Variants in MTCH2 observed in about 807,000 individuals in gnomAD.
MTCH2 encodes mitochondrial carrier homolog 2.
Under a neutral mutation model 50.6 loss-of-function variants are expected in MTCH2, and 25 were observed. The observed-to-expected ratio is 0.49, with a 90% CI of 0.36 to 0.69. The LOEUF is 0.69. Among genes scored for constraint, MTCH2 ranks in the 30% least tolerant of loss-of-function variants. The pLI is 0.00. For synonymous variants in MTCH2, 106 were observed against 132.0 expected (o/e 0.80, Z 1.35); for missense variants, 273 against 384.4 (o/e 0.71, Z 2.42).
chr11:47,626,771 C>A (rs1220508757), intron 10 of MTCH2, among the ~76,000 whole-genome samples: 1 of 152,058 alleles, frequency 6.6e-6, no homozygotes, highest in Non-Finnish European at 1.5e-5. Flanking sequence ...CACCACCACG[C>A]TCGGCTAATG....
At chr11:47,626,558 T>C (rs1403319062) in intron 10 of MTCH2, among the ~76,000 whole-genome samples, 1 of 152,152 alleles carries the variant, frequency 6.6e-6, no homozygotes, top group Non-Finnish European at 1.5e-5. Context: ...GCAGGGGTTC[T>C]GCCTTACTCT....
intron 8 of MTCH2, 175 bp from the exon 9 acceptor site, chr11:47,629,221 C>G (rs2097300799): frequency 5.2e-6 from 3 of 579,302 alleles, no homozygotes; most frequent in Non-Finnish European, 9.2e-6. Context: ...GTTAACACAG[C>G]TGTACTTGAA....
At chr11:47,604,980 G>A in the MTCH2 span, among the ~76,000 whole-genome samples, 2 of 151,884 alleles carry the variant, frequency 1.3e-5, no homozygotes, top group African/African-American at 4.8e-5. Flanking sequence ...TCCCAGGCTG[G>A]AGTGCAGTGG....
At position 47,622,661 on chromosome 11, in the gene MTCH2, A is replaced by G. The variant is rs755395803; in HGVS notation, c.825+40T>C. ...TTTAAGAAAACAAATAAATAAAAAT[A>G]AAACAAAATAAAATGAGAGAGACAG... On this transcript the variant is annotated intron_variant, in intron 12 of 12. Transcript: ENST00000302503. The G allele has an allele frequency of 4.2e-6, 6 of 1,438,984 alleles. No individual in the cohort carries two copies. In the South Asian group the frequency reaches 7.9e-5, roughly 19 times the overall value. The allele number at this position is 1,438,984 out of a possible 1,614,324, so 89.1% of individuals were successfully genotyped here. A position where few individuals can be genotyped will look rare whatever the true frequency, so the allele number is the denominator to read the frequency against.
intron 5 of MTCH2, among the ~76,000 whole-genome samples, chr11:47,632,258 C>G (rs1334403956): frequency 1.3e-5 from 2 of 152,012 alleles, no homozygotes; most frequent in African/African-American, 4.8e-5. Flanking sequence ...TCTTTCTACT[C>G]TAGGGCTCTG....
At chr11:47,611,055 T>C in the MTCH2 span, among the ~76,000 whole-genome samples, 1 of 152,224 alleles carries the variant, frequency 6.6e-6, no homozygotes, top group East Asian at 1.9e-4. Flanking sequence ...CTCACTGTTG[T>C]ACATATGGTT....
intron 1 of MTCH2, 39 bp from the exon 2 acceptor site, chr11:47,639,090 T>C: frequency 6.6e-7 from 1 of 1,514,474 alleles, no homozygotes; most frequent in Non-Finnish European, 9.0e-7. Context: ...TAAAGCAATA[T>C]TTCCAGAAAT....
chr11:47,631,578 TC>T, intron 6 of MTCH2, 75 bp downstream of exon 6: 1 of 1,455,728 alleles, frequency 6.9e-7, no homozygotes, highest in Non-Finnish European at 9.6e-7. Context: ...TTTAGTCAAC[TC>T]CCACGTCAAC....
chr11:47,609,140 A>AGAAAAAAGAAAAAAG, the MTCH2 span, among the ~76,000 whole-genome samples: 5 of 93,308 alleles, frequency 5.4e-5, no homozygotes, highest in Non-Finnish European at 7.9e-5. Context: ...AAAAAAAAAA[A>AGAAAAAAGAAAAAAG]AAAAAAGAAA....
chr11:47,627,152 T>C, intron 9 of MTCH2, 25 bp from the exon 10 acceptor site: 2 of 1,499,564 alleles, frequency 1.3e-6, no homozygotes, highest in Non-Finnish European at 1.8e-6. Context: ...GAGCCTTAAA[T>C]TAATTACCTA....
rs956222085 is a variant in MTCH2, at chr11:47,617,706, G to A, written c.*1127C>T. The A allele has an allele frequency of 9.2e-5, 14 of 152,438 alleles. No individual in the cohort carries two copies. The highest frequency in any genetic ancestry group is 3.1e-4 in the African/African-American group (13 of 41,432). The allele number at this position is 152,438 out of a possible 1,614,324, so 9.4% of individuals were successfully genotyped here. On this transcript the variant is annotated 3_prime_UTR_variant, in exon 13 of 13. Coordinates refer to ENST00000302503, the MANE Select transcript of MTCH2 (RefSeq NM_014342.4). Reference sequence around the variant, plus strand: ...TTTTAGAAGGCCTGAGTAAACAGAAGCTTTATGCTTGAGTTGAATTTTATT... The same window carrying A: ...TTTTAGAAGGCCTGAGTAAACAGAAACTTTATGCTTGAGTTGAATTTTATT...
chr11:47,632,621 C>G (rs7119348), intron 5 of MTCH2, among the ~76,000 whole-genome samples: 150,274 of 152,238 alleles, frequency 0.99, 74,192 homozygotes, highest in Middle Eastern at 1. Context: ...GCCTCCCAAA[C>G]TGCTGGGATT....
At chr11:47,608,793 C>T in the MTCH2 span, among the ~76,000 whole-genome samples, 2 of 151,782 alleles carry the variant, frequency 1.3e-5, no homozygotes, top group Admixed American at 1.3e-4. Context: ...CCCATCTCTA[C>T]TAAAAATACA....
downstream of MTCH2, among the ~76,000 whole-genome samples, chr11:47,614,659 G>C (rs1194741031): frequency 6.6e-6 from 1 of 152,092 alleles, no homozygotes; most frequent in African/African-American, 2.4e-5. Flanking sequence ...TTGGCTCACT[G>C]CAACCTCCAC....
chr11:47,639,841 A>AAAAC (rs571680942), intron 1 of MTCH2, among the ~76,000 whole-genome samples: 5 of 152,136 alleles, frequency 3.3e-5, no homozygotes, highest in Admixed American at 2.6e-4. Flanking sequence ...CTCCATCTCA[A>AAAAC]AAACAAACAA....
At chr11:47,622,485 A>T (rs927217845) in intron 12 of MTCH2, among the ~76,000 whole-genome samples, 2 of 152,168 alleles carry the variant, frequency 1.3e-5, no homozygotes, top group African/African-American at 4.8e-5. Context: ...TTTCTTCTTC[A>T]TTACTCCTGC....
chr11:47,621,393 G>A (rs2097293061), intron 12 of MTCH2, among the ~76,000 whole-genome samples: 1 of 151,230 alleles, frequency 6.6e-6, no homozygotes, highest in Non-Finnish European at 1.5e-5. Flanking sequence ...GTGATCCTGT[G>A]CTAAATTTAG....
In MTCH2 at chr11:47,639,560, G is replaced by A. The variant is rs895196241; in HGVS notation, c.88-509C>T. ...ATGTTAGAAGAACAGGCTGTCGGTC[G>A]GGCGCAGTGGCTCATGCCTTGTAAT... On this transcript the variant is annotated intron_variant, in intron 1 of 12. Coordinates refer to ENST00000302503, the MANE Select transcript of MTCH2 (RefSeq NM_014342.4). 4.6e-5 allele frequency among the ~76,000 whole-genome samples: 7 copies of A among 152,294 alleles called. No individual in the cohort carries two copies. The South Asian group carries it at 6.2e-4, about 14-fold the overall frequency.
At chr11:47,633,959 C>T (rs2097306117) in intron 5 of MTCH2, among the ~76,000 whole-genome samples, 1 of 152,126 alleles carries the variant, frequency 6.6e-6, no homozygotes, top group Non-Finnish European at 1.5e-5. Context: ...CACAGAAACA[C>T]CTATGGCAGC....
Sources: allele counts gnomAD v4.1 joint callset (sites outside exome capture counted in the v4.1 genomes callset), GRCh38; gene constraint gnomAD v4.1.1; transcripts MANE v1.5; gene names NCBI Gene and HGNC (gene_info 2026-07-23, HGNC 2026-07-21).